Variants in TMEM214 observed in about 807,000 individuals in gnomAD.
TMEM214 encodes transmembrane protein 214.
In TMEM214, 71 loss-of-function variants were observed where a neutral mutation model predicts 89.8. The ratio of observed to expected loss-of-function variants is 0.79; its 90% confidence interval spans 0.65 to 0.96. The LOEUF is 0.96. Ranked by LOEUF, TMEM214 falls within the 40% of genes least tolerant of loss-of-function variation. The pLI is 0.00. For synonymous variants in TMEM214, 332 were observed against 349.5 expected, an observed-to-expected ratio of 0.95 and a Z score of 0.56; for missense variants, 754 against 843.4, an observed-to-expected ratio of 0.89 and a Z score of 1.31.
In TMEM214 at chr2:27,040,658, A is replaced by T. The variant is rs948292006; in HGVS notation, c.1944-53A>T. On this transcript the variant is annotated intron_variant, in intron 16 of 16. Transcript: ENST00000238788. The stretch of plus-strand genomic sequence containing the variant: ...GTGGGTCTAAGCTTTCATCCCCGAA[A>T]GTTGACACAGCTACTCACGTGCATA... The T allele has an allele frequency of 5.6e-6, 9 of 1,603,764 alleles. No homozygotes were observed. In the African/African-American group the frequency reaches 1.1e-4, roughly 19 times the overall value.
chr2:27,037,664 A>C lies in TMEM214; in HGVS notation c.1114A>C (p.Arg372=), dbSNP rs187732638. The change falls in exon 9 of 17, where the codon AGA becomes CGA. Residue 372 remains arginine, a synonymous_variant. Coordinates refer to ENST00000238788, the MANE Select transcript of TMEM214 (RefSeq NM_017727.5). The part of the protein sequence containing the change: ...LHTYFPSFLS[R]ATPSCPPEMK... ...TACCTACTTCCCTTCTTTCCTGTCCAGAGCCACCCCTAGCTGTCCCCCTGA... is the reference window on the plus strand; with the variant it reads ...TACCTACTTCCCTTCTTTCCTGTCCCGAGCCACCCCTAGCTGTCCCCCTGA... 8.6e-5 allele frequency: 139 copies of C among 1,614,130 alleles called. No homozygotes were observed. Among genetic ancestry groups the C allele is most frequent in the Admixed American group, 8.3e-4 (50 of 60,028 alleles).
chr2:27,033,854 T>C (rs1186916648), intron 1 of TMEM214, among the ~76,000 whole-genome samples: 1 of 151,994 alleles, frequency 6.6e-6, no homozygotes, highest in Non-Finnish European at 1.5e-5. Flanking sequence ...GCCCCATCTT[T>C]ATGAAAGAGC....
At chr2:27,039,644 C>T (rs1183658279) in intron 13 of TMEM214, 97 bp from the exon 14 acceptor site, 4 of 1,068,990 alleles carry the variant, frequency 3.7e-6, no homozygotes, top group South Asian at 1.3e-5. Flanking sequence ...AAGCTCTGCC[C>T]AGCGCCTCGC....
chr2:27,039,791 C>T lies in TMEM214; in HGVS notation c.1576C>T (p.Gln526Ter), dbSNP rs1268606957. The change falls in exon 14 of 17, where the codon CAA becomes TAA. Residue 526 changes from glutamine to a stop codon, truncating the protein, a stop_gained. Coordinates refer to ENST00000238788, the MANE Select transcript of TMEM214 (RefSeq NM_017727.5). LOFTEE classifies it high-confidence loss of function. ...LRSSGFLPAS[Q>*]QACAKLYSYS... ...ATCATCTGGCTTCTTACCTGCTAGC[C>T]AACAAGCGTGTGCCAAGCTCTACTC... The T allele has an allele frequency of 6.2e-7, 1 of 1,614,102 alleles. No homozygotes were observed. The highest frequency in any genetic ancestry group is 1.3e-5 in the African/African-American group (1 of 74,932).
Position 27,039,736 on chromosome 2 carries a change from C to T in TMEM214, c.1526-5C>T. On this transcript the variant is annotated splice_polypyrimidine_tract_variant and splice_region_variant and intron_variant, in intron 13 of 16. Transcript: ENST00000238788. ...CCCAGCTCACCAGAGGCCCCCTTTA[C>T]TTAGCCTCCCTTACTGGCCGGTTGC... is the stretch of plus-strand genomic sequence containing the variant. 6.2e-7 allele frequency: 1 copy of T among 1,614,054 alleles called. No individual in the cohort carries two copies. Among genetic ancestry groups the T allele is most frequent in the Non-Finnish European group, 8.5e-7 (1 of 1,179,892 alleles).
chr2:27,034,506 C>T (rs1336851762), intron 2 of TMEM214: 1 of 518,754 alleles, frequency 1.9e-6, no homozygotes, highest in Non-Finnish European at 3.4e-6. Flanking sequence ...CTTGAAGACC[C>T]AGGAACACCA....
rs1266081285 is a variant in TMEM214, at chr2:27,040,282, A to C, written c.1792-63A>C. 1.9e-6 allele frequency: 3 copies of C among 1,609,174 alleles called. No individual in the cohort carries two copies. The African/African-American group carries it at 4.0e-5, about 21-fold the overall frequency. On this transcript the variant is annotated intron_variant, in intron 15 of 16. Coordinates refer to ENST00000238788, the MANE Select transcript of TMEM214 (RefSeq NM_017727.5). Reference sequence around the variant, plus strand: ...GAAAGGAGCAGCACTGTGTGGCCTGAGTCTTTAGGGCCAGGATGCAGTTCC... The same window carrying C: ...GAAAGGAGCAGCACTGTGTGGCCTGCGTCTTTAGGGCCAGGATGCAGTTCC...
Position 27,038,288 on chromosome 2 carries a change from G to A in TMEM214, c.1244+51G>A. On this transcript the variant is annotated intron_variant, in intron 10 of 16. Coordinates refer to ENST00000238788, the MANE Select transcript of TMEM214 (RefSeq NM_017727.5). This position sits in a 1 kb window ranked among gnomAD's most constrained non-coding sequence, Gnocchi z 4.4. Reference sequence around the variant, plus strand: ...TCCCTGTGCTAGAAGCAGAAGGGGAGCCTGGGTCACTGTCCCATGGCCTGA... The same window carrying A: ...TCCCTGTGCTAGAAGCAGAAGGGGAACCTGGGTCACTGTCCCATGGCCTGA... 6.3e-7 allele frequency: 1 copy of A among 1,597,486 alleles called. No individual in the cohort carries two copies. The highest frequency in any genetic ancestry group is 1.1e-5 in the South Asian group (1 of 90,708).
chr2:27,034,876 G>A (rs1022092132), intron 2 of TMEM214, among the ~76,000 whole-genome samples: 6 of 152,176 alleles, frequency 3.9e-5, no homozygotes, highest in African/African-American at 1.2e-4. Flanking sequence ...GAGCCACCGC[G>A]CCTGGCCCTC....
chr2:27,035,122 TTGTCCC>T lies in TMEM214; in HGVS notation c.352-10_352-5del, dbSNP rs1349813794. The T allele has an allele frequency of 6.2e-7, 1 of 1,613,488 alleles. No individual in the cohort carries two copies. Among genetic ancestry groups the T allele is most frequent in the Admixed American group, 1.7e-5 (1 of 60,014 alleles). Reference sequence around the variant, plus strand: ...CTCGCCATGGTGGGGGGTTGGGGGATTGTCCCTGGCAGCTGGATGTGGCAGACCTGC... The same window carrying T: ...CTCGCCATGGTGGGGGGTTGGGGGATTGGCAGCTGGATGTGGCAGACCTGC... On this transcript the variant is annotated splice_polypyrimidine_tract_variant and splice_region_variant and intron_variant, in intron 2 of 16. Coordinates refer to ENST00000238788, the MANE Select transcript of TMEM214 (RefSeq NM_017727.5).
At chr2:27,034,553 C>A in intron 2 of TMEM214, 1 of 400,030 alleles carries the variant, frequency 2.5e-6, no homozygotes, top group Non-Finnish European at 4.5e-6. Flanking sequence ...ATTCTCTGTC[C>A]TATGGAAATA....
Position 27,040,935 on chromosome 2 carries a change from G to A in TMEM214, c.*98G>A. ...TCTTCATGGGAGTCTTTTTAACTTG[G>A]TGCCTGAGTTCTCTCCTAGGCAAGT... On this transcript the variant is annotated 3_prime_UTR_variant, in exon 17 of 17. Coordinates refer to ENST00000238788, the MANE Select transcript of TMEM214 (RefSeq NM_017727.5). 6.7e-7 allele frequency: 1 copy of A among 1,498,982 alleles called. No individual in the cohort carries two copies. The highest frequency in any genetic ancestry group is 1.2e-5 in the South Asian group (1 of 81,002). The allele number at this position is 1,498,982 out of a possible 1,614,324, so 92.9% of individuals were successfully genotyped here. A position where few individuals can be genotyped will look rare whatever the true frequency, so the allele number is the denominator to read the frequency against.
Position 27,039,168 on chromosome 2 carries a change from A to T in TMEM214, c.1525+4A>T, listed in dbSNP as rs764314374. 1.9e-6 allele frequency: 3 copies of T among 1,612,986 alleles called. No homozygotes were observed. The highest frequency in any genetic ancestry group is 2.5e-6 in the Non-Finnish European group (3 of 1,179,514). On this transcript the variant is annotated splice_donor_region_variant and intron_variant, in intron 13 of 16. Transcript: ENST00000238788. ...CGGTCACACAGCTCCTTCCAGGGTA[A>T]GCAGCAATGGGCAAGCGAGGAGGAT...
rs199619457 is a variant in TMEM214, at chr2:27,034,123, C to T, written c.208C>T (p.Arg70Trp). Residue 70 changes from arginine (R) to tryptophan (W), a missense_variant, in exon 2 of 17, where the codon CGG becomes TGG. Physicochemically the swap from Arg to Trp is moderately radical, Grantham distance 101 (BLOSUM62 -3). Coordinates refer to ENST00000238788, the MANE Select transcript of TMEM214 (RefSeq NM_017727.5). ...YERGFENIMK[R>W]QNKEQVPPPA... The stretch of plus-strand genomic sequence containing the variant: ...GCGGGGCTTTGAGAATATCATGAAG[C>T]GGCAGAATAAGGAGCAGGTCCCACC... 15 of 1,613,944 alleles carry T rather than the reference C, an allele frequency of 9.3e-6. No individual in the cohort carries two copies. The highest frequency in any genetic ancestry group is 2.2e-5 in the South Asian group (2 of 91,074).
Position 27,038,157 on chromosome 2 carries a change from CCTGA to C in TMEM214, c.1169_1172del (p.Thr390SerfsTer3), listed in dbSNP as rs1214910894. The C allele has an allele frequency of 6.2e-7, 1 of 1,614,044 alleles. No individual in the cohort carries two copies. Among genetic ancestry groups the C allele is most frequent in the Non-Finnish European group, 8.5e-7 (1 of 1,180,034 alleles). Reference sequence around the variant, plus strand: ...GTCGTGCTGTGCAGCTCCTGAGCAGCCTGACTGAGTGCCTGACGGTGGACCCCCT... The same window carrying C: ...GTCGTGCTGTGCAGCTCCTGAGCAGCCTGAGTGCCTGACGGTGGACCCCCT... On this transcript the variant is annotated frameshift_variant, in exon 10 of 17. Transcript: ENST00000238788. LOFTEE classifies it high-confidence loss of function. This position sits in a 1 kb window ranked among gnomAD's most constrained non-coding sequence, Gnocchi z 4.4.
intron 5 of TMEM214, 29 bp downstream of exon 5, chr2:27,036,081 AG>A: frequency 2.5e-6 from 4 of 1,607,954 alleles, no homozygotes; most frequent in Non-Finnish European, 3.4e-6. Flanking sequence ...TGGGGATGCT[AG>A]GAAGCTAGGA....
In TMEM214 at chr2:27,039,811, C is replaced by G. The variant is rs527338090; in HGVS notation, c.1596C>G (p.Leu532=). 3 of 1,614,202 alleles carry G rather than the reference C, an allele frequency of 1.9e-6. No individual in the cohort carries two copies. In the East Asian group the frequency reaches 6.7e-5, roughly 36 times the overall value. The change falls in exon 14 of 17, where the codon CTC becomes CTG. Residue 532 remains leucine (L), a synonymous_variant. Transcript: ENST00000238788. ...LPASQQACAK[L]YSYSLQGYSW... Reference sequence around the variant, plus strand: ...CTAGCCAACAAGCGTGTGCCAAGCTCTACTCCTACAGTCTGCAAGGCTACA... The same window carrying G: ...CTAGCCAACAAGCGTGTGCCAAGCTGTACTCCTACAGTCTGCAAGGCTACA...
At chr2:27,035,798 CAGT>C in intron 4 of TMEM214, 70 bp downstream of exon 4, 8 of 1,599,906 alleles carry the variant, frequency 5.0e-6, no homozygotes, top group Non-Finnish European at 6.8e-6. Flanking sequence ...CAGTACCACT[CAGT>C]GGTTCTGTTT....
intron 9 of TMEM214, chr2:27,037,943 C>G (rs1415558168): frequency 6.5e-7 from 1 of 1,549,058 alleles, no homozygotes; most frequent in Non-Finnish European, 8.7e-7. Flanking sequence ...TCTTTGAGCT[C>G]AAAGCTCTAG....
Sources: gnomAD v4.1 joint callset for allele counts (sites outside exome capture counted in the v4.1 genomes callset) on GRCh38, gnomAD v4.1.1 for gene constraint, Gnocchi (gnomAD v3.1) non-coding constraint, MANE v1.5 for transcripts, NCBI Gene and HGNC (gene_info 2026-07-23, HGNC 2026-07-21) for gene names.